The following LGALS9 variants were observed in gnomAD, a reference collection of about 807,000 sequenced individuals.
LGALS9 encodes the protein galectin-9.
LGALS9 carries 26 observed loss-of-function variants against 35.9 expected under a neutral mutation model. The observed-to-expected ratio is 0.72, with a 90% CI of 0.53 to 1.01. LGALS9 has a LOEUF of 1.01. LGALS9 is among the 50% of genes least tolerant of loss of function. LGALS9 has a pLI of 0.00. For synonymous variants in LGALS9, 149 were observed against 172.2 expected (o/e 0.87, Z 1.06); for missense variants, 347 against 445.8 (o/e 0.78, Z 1.99).
chr17:27,646,483 G>T (rs369972684), intron 7 of LGALS9, 64 bp from the exon 8 acceptor site: 2 of 1,610,676 alleles, frequency 1.2e-6, no homozygotes, highest in Non-Finnish European at 1.7e-6. Context: ...GCGTGGGTGC[G>T]CCTGGGTGAG....
At chr17:27,647,966 C>A (rs368998411) in intron 10 of LGALS9, among the ~76,000 whole-genome samples, 9 of 152,378 alleles carry the variant, frequency 5.9e-5, no homozygotes, top group African/African-American at 1.9e-4. Flanking sequence ...CTAGGGCCAA[C>A]GTGCAGAGGC....
Position 27,648,997 on chromosome 17 carries a change from C to T in LGALS9, c.*15C>T. 1 of 1,613,926 alleles carries T rather than the reference C, an allele frequency of 6.2e-7. No homozygotes were observed. Among genetic ancestry groups the T allele is most frequent in the Admixed American group, 1.7e-5 (1 of 60,016 alleles). ...TGCAGACATAGGCGGCTTCCTGGCC[C>T]TGGGGCCGGGGGCTGGGGTGTGGGG... On this transcript the variant is annotated 3_prime_UTR_variant, in exon 11 of 11. Coordinates refer to ENST00000395473, the MANE Select transcript of LGALS9 (RefSeq NM_009587.3).
intron 10 of LGALS9, among the ~76,000 whole-genome samples, chr17:27,648,597 A>T (rs113227297): frequency 1.2e-4 from 18 of 152,336 alleles, no homozygotes; most frequent in Admixed American, 4.6e-4. Context: ...CAGACGGCAC[A>T]GGCCAGTGCT....
intron 1 of LGALS9, among the ~76,000 whole-genome samples, chr17:27,635,227 G>A (rs1209909809): frequency 6.6e-6 from 1 of 152,114 alleles, no homozygotes; most frequent in Non-Finnish European, 1.5e-5. Flanking sequence ...GAGCCGGAAG[G>A]ATCACTTGAG....
intron 6 of LGALS9, chr17:27,645,594 A>T (rs1313143238): frequency 1.6e-6 from 1 of 612,428 alleles, no homozygotes; most frequent in Non-Finnish European, 2.9e-6. Flanking sequence ...TCACCTGCAA[A>T]GGGAGGCTAG....
chr17:27,639,003 G>C (rs937458671), intron 2 of LGALS9, among the ~76,000 whole-genome samples: 29 of 152,114 alleles, frequency 1.9e-4, no homozygotes, highest in African/African-American at 6.8e-4. Flanking sequence ...GCTCTCTCCT[G>C]GTTTAGTGGG....
At chr17:27,636,291 A>G (rs1984547) in intron 1 of LGALS9, among the ~76,000 whole-genome samples, 35,420 of 152,124 alleles carry the variant, frequency 0.23, 4,151 homozygotes, top group Admixed American at 0.29. Flanking sequence ...AACATGCAGA[A>G]GGAATTGTAC....
rs574933990 is a variant in LGALS9, at chr17:27,641,322, T to C, written c.333+549T>C. On this transcript the variant is annotated intron_variant, in intron 3 of 10. Transcript: ENST00000395473. ...CCTCTCCTCTGCTCCCCATGAGCAT[T>C]TTATGCATATATAAATAATACCGCT... Among the ~76,000 whole-genome samples, 16 of 152,256 alleles carry C rather than the reference T, an allele frequency of 1.1e-4. No homozygotes were observed. In the East Asian group the frequency reaches 3.1e-3, roughly 29 times the overall value.
At chr17:27,640,903 T>G in intron 3 of LGALS9, 130 bp downstream of exon 3, 2 of 1,399,826 alleles carry the variant, frequency 1.4e-6, no homozygotes, top group South Asian at 2.5e-5. Context: ...CACGCTCATT[T>G]CCTTGTGAGG....
chr17:27,635,559 C>T (rs2074440551), intron 1 of LGALS9, among the ~76,000 whole-genome samples: 1 of 151,986 alleles, frequency 6.6e-6, no homozygotes, highest in African/African-American at 2.4e-5. Flanking sequence ...TTTTGGGGAA[C>T]TTGTTGCCTT....
chr17:27,646,936 T>C, intron 8 of LGALS9, 94 bp from the exon 9 acceptor site: 1 of 1,560,494 alleles, frequency 6.4e-7, no homozygotes, highest in South Asian at 1.1e-5. Context: ...AAAGATATCA[T>C]GGGCTTCTTC....
Position 27,643,608 on chromosome 17 carries a change from G to A in LGALS9, c.528G>A (p.Gly176=). 6.2e-7 allele frequency: 1 copy of A among 1,611,312 alleles called. No homozygotes were observed. The highest frequency in any genetic ancestry group is 1.7e-5 in the Admixed American group (1 of 59,904). Residue 176 remains glycine (G), a synonymous_variant, in exon 5 of 11, where the codon GGG becomes GGA. Transcript: ENST00000395473. ...QPVCFPPRPR[G]RRQKPPGVWP... ...TCTGTTTCCCACCCAGGCCCAGGGG[G>A]CGCAGACAAAAAGTGAGTTCAACAC...
intron 10 of LGALS9, 140 bp from the exon 11 acceptor site, chr17:27,648,696 C>A: frequency 7.2e-7 from 1 of 1,395,678 alleles, no homozygotes; most frequent in South Asian, 1.3e-5. Context: ...GAAGAGCCGT[C>A]GTTCAGTGGG....
chr17:27,632,626 A>G (rs2074404036), intron 1 of LGALS9, among the ~76,000 whole-genome samples: 1 of 152,188 alleles, frequency 6.6e-6, no homozygotes, highest in Non-Finnish European at 1.5e-5. Flanking sequence ...GTTTTCTGTC[A>G]AAGAGGGGAT....
At chr17:27,641,436 A>C (rs1904491318) in intron 3 of LGALS9, among the ~76,000 whole-genome samples, 1 of 152,216 alleles carries the variant, frequency 6.6e-6, no homozygotes, top group Non-Finnish European at 1.5e-5. Context: ...CAGGAGCAGA[A>C]AACCAAACAC....
At chr17:27,643,946 G>T in intron 5 of LGALS9, 1 of 305,436 alleles carries the variant, frequency 3.3e-6, no homozygotes, top group South Asian at 7.6e-5. Context: ...CTGCCACAGT[G>T]ACCTTCTTAT....
Position 27,639,358 on chromosome 17 carries a change from A to AC in LGALS9, c.131+1010dup, listed in dbSNP as rs1201325065. On this transcript the variant is annotated intron_variant, in intron 2 of 10. Transcript: ENST00000395473. ...CTCTCCCTCTCCCTCCACCTCCCCC[A>AC]CCCCCCAGCACCAGGAGGGCTTCCC... 1.1e-3 allele frequency among the ~76,000 whole-genome samples: 86 copies of AC among 77,320 alleles called. 1 individual carries two copies. The highest frequency in any genetic ancestry group is 4.0e-3 in the African/African-American group (81 of 20,208). 50.7% of individuals were successfully genotyped at this position (77,320 alleles called of 152,430 possible).
rs9892800 is a variant in LGALS9, at chr17:27,649,044, C to T, written c.*62C>T. ...GGGGCAGTCTGGGTCCTCTCATCAT[C>T]CCCACTTCCCAGGCCCAGCCTTTCC... On this transcript the variant is annotated 3_prime_UTR_variant, in exon 11 of 11. Transcript: ENST00000395473. 38,142 of 1,608,432 alleles carry T rather than the reference C, an allele frequency of 0.024. 745 individuals are homozygous for T. Among genetic ancestry groups the T allele is most frequent in the African/African-American group, 0.061 (4,593 of 74,882 alleles).
At chr17:27,647,489 G>C in intron 10 of LGALS9, 57 bp downstream of exon 10, 1 of 1,601,370 alleles carries the variant, frequency 6.2e-7, no homozygotes. Context: ...AGGGGGAGGG[G>C]GTAAAGGAGG....
Sources: gnomAD v4.1 joint callset for allele counts (sites outside exome capture counted in the v4.1 genomes callset) on GRCh38, gnomAD v4.1.1 for gene constraint, MANE v1.5 for transcripts, NCBI Gene and HGNC (gene_info 2026-07-23, HGNC 2026-07-21) for gene names.